BNC2: variants seen among roughly 807,000 people sequenced by gnomAD.
BNC2 encodes the protein basonuclin zinc finger protein 2.
Under a neutral mutation model 76.3 loss-of-function variants are expected in BNC2, and 20 were observed. The observed-to-expected ratio is 0.26, with a 90% CI of 0.18 to 0.38. The LOEUF is 0.38. Among genes scored for constraint, BNC2 ranks in the 10% least tolerant of loss-of-function variants. The probability of loss-of-function intolerance (pLI) is 1.00; values close to 1 mark genes in which losing one functional copy is unlikely to be tolerated. For missense variants in BNC2, 1,382 were observed against 1,399.8 expected (o/e 0.99, Z 0.20); for synonymous variants, 582 against 514.8 (o/e 1.13, Z -1.77).
Position 16,558,245 on chromosome 9 carries a change from C to T in BNC2, c.434-5480G>A, listed in dbSNP as rs181869315. On this transcript the variant is annotated intron_variant, in intron 4 of 6. Coordinates refer to ENST00000380672, the MANE Select transcript of BNC2 (RefSeq NM_017637.6). Reference sequence around the variant, plus strand: ...GCATAACAACTGGTTCAAGAATAGGCAAGTGACCTAAGTCTGGACAGTGCA... The same window carrying T: ...GCATAACAACTGGTTCAAGAATAGGTAAGTGACCTAAGTCTGGACAGTGCA... 2.0e-5 allele frequency among the ~76,000 whole-genome samples: 3 copies of T among 152,308 alleles called. No homozygotes were observed. The East Asian group carries it at 5.8e-4, about 29-fold the overall frequency.
In BNC2 at chr9:16,747,889, C is replaced by A. The variant is rs1294169719; in HGVS notation, c.4-9404G>T. On this transcript the variant is annotated intron_variant, in intron 1 of 6. Coordinates refer to ENST00000380672, the MANE Select transcript of BNC2 (RefSeq NM_017637.6). ...TAAATTCAACTATCTACCATTTTAT[C>A]CTTTCATAGTTAGTTATAATTATTA... is the stretch of plus-strand genomic sequence containing the variant. Among the ~76,000 whole-genome samples the A allele has an allele frequency of 2.6e-5, 4 of 152,162 alleles. No individual in the cohort carries two copies. In the East Asian group the frequency reaches 7.7e-4, roughly 29 times the overall value.
chr9:16,497,979 G>GTGTGTA (rs1563810998), intron 5 of BNC2, among the ~76,000 whole-genome samples: 2 of 652 alleles, frequency 3.1e-3, no homozygotes, highest in Non-Finnish European at 0.017. Flanking sequence ...AGAAACTGTG[G>GTGTGTA]TGTGTGTGTG....
intron 5 of BNC2, among the ~76,000 whole-genome samples, chr9:16,471,504 G>A (rs2131376082): frequency 6.6e-6 from 1 of 152,172 alleles, no homozygotes; most frequent in African/African-American, 2.4e-5. Context: ...ATGTTGGCCA[G>A]GCTGGTCTCA....
At chr9:16,483,378 G>A (rs531700178) in intron 5 of BNC2, among the ~76,000 whole-genome samples, 1 of 152,166 alleles carries the variant, frequency 6.6e-6, no homozygotes, top group South Asian at 2.1e-4. Flanking sequence ...GTTTCTTCAA[G>A]ACACAAGATT....
In BNC2 at chr9:16,474,693, C is replaced by T. The variant is rs114138878; in HGVS notation, c.670-37169G>A. 4.5e-3 allele frequency among the ~76,000 whole-genome samples: 689 copies of T among 152,066 alleles called. 2 individuals carry two copies. Among genetic ancestry groups the T allele is most frequent in the African/African-American group, 0.014 (594 of 41,472 alleles). On this transcript the variant is annotated intron_variant, in intron 5 of 6. Transcript: ENST00000380672. ...ATCTTCATATAGTGTAATAGAAAAA[C>T]GCAAAGTGTTTTAATTGCACTTGAA...
At chr9:16,553,350 C>A (rs1818724496) in intron 4 of BNC2, among the ~76,000 whole-genome samples, 1 of 152,162 alleles carries the variant, frequency 6.6e-6, no homozygotes, top group South Asian at 2.1e-4. Flanking sequence ...TAATTTAAGT[C>A]AAGTCATATT....
At chr9:16,845,620 C>A in intron 1 of BNC2, among the ~76,000 whole-genome samples, 1 of 152,086 alleles carries the variant, frequency 6.6e-6, no homozygotes, top group East Asian at 1.9e-4. Context: ...ACTTGGGAGG[C>A]CGAGGCAGGA....
chr9:16,706,379 C>A (rs918864063), intron 3 of BNC2, among the ~76,000 whole-genome samples: 1 of 152,180 alleles, frequency 6.6e-6, no homozygotes, highest in Non-Finnish European at 1.5e-5. Context: ...ACAAAGTCCC[C>A]TCTTTTTGCC....
rs552599772 is a variant in BNC2 at position 16,711,389 on chromosome 9, C to A, written c.330+16408G>T. On this transcript the variant is annotated intron_variant, in intron 3 of 6. Coordinates refer to ENST00000380672, the MANE Select transcript of BNC2 (RefSeq NM_017637.6). Reference sequence around the variant, plus strand: ...TCGCTAGTTGCAGTATTAGACTGCACTGCTCTAATTAAAACGGAGTTTACA... The same window carrying A: ...TCGCTAGTTGCAGTATTAGACTGCAATGCTCTAATTAAAACGGAGTTTACA... 6.6e-5 allele frequency among the ~76,000 whole-genome samples: 10 copies of A among 152,228 alleles called. No individual in the cohort carries two copies. The East Asian group carries it at 1.9e-3, about 29-fold the overall frequency.
chr9:16,610,025 G>A (rs981514445), intron 3 of BNC2, among the ~76,000 whole-genome samples: 2 of 152,058 alleles, frequency 1.3e-5, no homozygotes, highest in African/African-American at 4.8e-5. Flanking sequence ...CAAATCATTT[G>A]TATCTCATCC....
intron 1 of BNC2, among the ~76,000 whole-genome samples, chr9:16,813,831 A>G (rs1292026352): frequency 2.0e-5 from 3 of 152,162 alleles, no homozygotes; most frequent in East Asian, 3.9e-4. Flanking sequence ...TGTTTTATAT[A>G]TATCAAACAT....
chr9:16,692,526 G>C (rs1186781341), intron 3 of BNC2, among the ~76,000 whole-genome samples: 1 of 152,178 alleles, frequency 6.6e-6, no homozygotes, highest in Non-Finnish European at 1.5e-5. Flanking sequence ...TAAGGATTCA[G>C]TAGGTACACA....
At chr9:16,834,929 T>C (rs1239822736) in intron 1 of BNC2, among the ~76,000 whole-genome samples, 1 of 152,206 alleles carries the variant, frequency 6.6e-6, no homozygotes, top group Non-Finnish European at 1.5e-5. Flanking sequence ...CCCCTGTGTA[T>C]GACTAGTTAC....
At chr9:16,455,563 G>C (rs1315736593) in intron 5 of BNC2, among the ~76,000 whole-genome samples, 1 of 152,204 alleles carries the variant, frequency 6.6e-6, no homozygotes, top group African/African-American at 2.4e-5. Context: ...GGCCAAGGCA[G>C]GTGGATCACC....
intron 1 of BNC2, among the ~76,000 whole-genome samples, chr9:16,776,645 C>A (rs1825975563): frequency 6.6e-6 from 1 of 152,122 alleles, no homozygotes; most frequent in Admixed American, 6.6e-5. Flanking sequence ...TAATACAAAC[C>A]ACTCCACTAA....
At chr9:16,701,669 T>A (rs943342152) in intron 3 of BNC2, among the ~76,000 whole-genome samples, 28 of 152,182 alleles carry the variant, frequency 1.8e-4, no homozygotes, top group African/African-American at 6.3e-4. Context: ...CAGGCAGGCG[T>A]GGTGGCTCAC....
intron 1 of BNC2, among the ~76,000 whole-genome samples, chr9:16,781,910 G>T (rs1393011952): frequency 6.6e-6 from 1 of 151,942 alleles, no homozygotes; most frequent in Non-Finnish European, 1.5e-5. Flanking sequence ...AACCAAAGAT[G>T]GAAAGGAGAA....
intron 4 of BNC2, among the ~76,000 whole-genome samples, chr9:16,559,971 C>T (rs942648177): frequency 2.6e-5 from 4 of 152,154 alleles, no homozygotes; most frequent in Admixed American, 2.6e-4. Flanking sequence ...GCAATGCTGC[C>T]GGGAATGCAG....
chr9:16,689,067 A>G (rs1012124237), intron 3 of BNC2, among the ~76,000 whole-genome samples: 2 of 151,554 alleles, frequency 1.3e-5, no homozygotes, highest in Non-Finnish European at 2.9e-5. Flanking sequence ...TCCAGAAAAC[A>G]TATTTTCTGT....
Sources: allele counts gnomAD v4.1 joint callset (sites outside exome capture counted in the v4.1 genomes callset), GRCh38; gene constraint gnomAD v4.1.1; transcripts MANE v1.5; gene names NCBI Gene and HGNC (gene_info 2026-07-23, HGNC 2026-07-21).